LEMD3: variants seen among roughly 807,000 people sequenced by gnomAD.
LEMD3 encodes LEM domain containing 3.
Under a neutral mutation model 95.2 loss-of-function variants are expected in LEMD3, and 33 were observed. The ratio of observed to expected loss-of-function variants is 0.35; its 90% CI spans 0.26 to 0.46. The LOEUF is 0.46. Among genes scored for constraint, LEMD3 ranks in the 20% least tolerant of loss-of-function variants. The probability of loss-of-function intolerance (pLI) is 1.00; values close to 1 mark genes in which losing one functional copy is unlikely to be tolerated. For missense variants in LEMD3, 1,210 were observed against 1,192.8 expected, an observed-to-expected ratio of 1.01 and a Z score of -0.21; for synonymous variants, 525 against 474.6, an observed-to-expected ratio of 1.11 and a Z score of -1.38.
intron 9 of LEMD3, among the ~76,000 whole-genome samples, chr12:65,242,240 AC>A (rs2136356205): frequency 6.6e-6 from 1 of 151,820 alleles, no homozygotes; most frequent in South Asian, 2.1e-4. Flanking sequence ...CCTACCTCAG[AC>A]TTTTTCTTCA....
intron 1 of LEMD3, among the ~76,000 whole-genome samples, chr12:65,173,204 A>G (rs1354420289): frequency 6.6e-6 from 1 of 152,202 alleles, no homozygotes; most frequent in Admixed American, 6.5e-5. Flanking sequence ...ATTATGATTA[A>G]GAAAGTAATT....
chr12:65,243,204 G>C (rs535514756), intron 9 of LEMD3, among the ~76,000 whole-genome samples, 184 bp from the exon 10 acceptor site: 1 of 151,508 alleles, frequency 6.6e-6, no homozygotes, highest in Non-Finnish European at 1.5e-5. Flanking sequence ...TTTATCATCT[G>C]TCTCTCCCAT....
chr12:65,230,499 T>C (rs1456184637), intron 4 of LEMD3, among the ~76,000 whole-genome samples: 1 of 152,122 alleles, frequency 6.6e-6, no homozygotes, highest in South Asian at 2.1e-4. Flanking sequence ...TTGTAGGTAT[T>C]TTATTCATTT....
At chr12:65,220,451 T>G (rs143022109) in intron 4 of LEMD3, among the ~76,000 whole-genome samples, 4 of 152,260 alleles carry the variant, frequency 2.6e-5, no homozygotes, top group Non-Finnish European at 2.9e-5. Context: ...GGGTTTCTTA[T>G]GCATTTTGCA....
At chr12:65,186,771 G>A (rs1335587364) in intron 1 of LEMD3, among the ~76,000 whole-genome samples, 1 of 151,604 alleles carries the variant, frequency 6.6e-6, no homozygotes, top group Non-Finnish European at 1.5e-5. Flanking sequence ...TACAAACACA[G>A]GAGTTAAGTA....
At chr12:65,174,140 A>G (rs1468625473) in intron 1 of LEMD3, among the ~76,000 whole-genome samples, 3 of 152,322 alleles carry the variant, frequency 2.0e-5, no homozygotes, top group South Asian at 4.1e-4. Flanking sequence ...TACATATAAC[A>G]TATAGTAGAT....
intron 1 of LEMD3, among the ~76,000 whole-genome samples, chr12:65,177,397 G>A (rs954336299): frequency 6.6e-6 from 1 of 151,302 alleles, no homozygotes; most frequent in Non-Finnish European, 1.5e-5. Context: ...AGGAGTCAAA[G>A]ATTATTCTGG....
At chr12:65,192,909 C>G (rs907844085) in intron 1 of LEMD3, among the ~76,000 whole-genome samples, 3 of 152,118 alleles carry the variant, frequency 2.0e-5, no homozygotes, top group Non-Finnish European at 4.4e-5. Flanking sequence ...TAACATAAAA[C>G]AAAGCTAGCC....
In LEMD3 at chr12:65,247,070, A is replaced by T. The variant is rs148427854; in HGVS notation, c.*745A>T. 41 of 152,714 alleles carry T rather than the reference A, an allele frequency of 2.7e-4. No homozygotes were observed. Among genetic ancestry groups the T allele is most frequent in the African/African-American group, 9.6e-4 (40 of 41,578 alleles). The allele number at this position is 152,714 out of a possible 1,614,324, so 9.5% of individuals were successfully genotyped here. On this transcript the variant is annotated 3_prime_UTR_variant, in exon 13 of 13. Transcript: ENST00000308330. ...TATATATATACACACACAGAGATAT[A>T]TACATATGGCTGTACTTTTGCATAG...
chr12:65,232,911 C>T (rs996168379), intron 4 of LEMD3, among the ~76,000 whole-genome samples: 4 of 152,034 alleles, frequency 2.6e-5, no homozygotes, highest in Non-Finnish European at 5.9e-5. Context: ...TAGACAGCTG[C>T]AAATGTGTCA....
At chr12:65,210,355 C>T (rs1384115183) in intron 1 of LEMD3, among the ~76,000 whole-genome samples, 1 of 151,962 alleles carries the variant, frequency 6.6e-6, no homozygotes, top group Non-Finnish European at 1.5e-5. Flanking sequence ...AGTTTTAAAG[C>T]ATCTTGTAGA....
intron 1 of LEMD3, among the ~76,000 whole-genome samples, chr12:65,187,243 T>C (rs1025493676): frequency 2.0e-5 from 3 of 152,090 alleles, no homozygotes; most frequent in Non-Finnish European, 4.4e-5. Flanking sequence ...TGGGCTCTTT[T>C]GGTTATAAGG....
intron 1 of LEMD3, among the ~76,000 whole-genome samples, chr12:65,185,382 A>G (rs1869029624): frequency 6.6e-6 from 1 of 152,138 alleles, no homozygotes; most frequent in Non-Finnish European, 1.5e-5. Context: ...AGTAGTTTTC[A>G]ACTGTGGACT....
At chr12:65,181,053 C>A (rs1868888058) in intron 1 of LEMD3, among the ~76,000 whole-genome samples, 1 of 148,808 alleles carries the variant, frequency 6.7e-6, no homozygotes. Flanking sequence ...GCTGTACTTA[C>A]AAAGGATGCT....
chr12:65,231,854 A>G (rs754914704), intron 4 of LEMD3, among the ~76,000 whole-genome samples: 1 of 151,866 alleles, frequency 6.6e-6, no homozygotes, highest in African/African-American at 2.4e-5. Flanking sequence ...ATTTTATACT[A>G]TAAATATTCA....
chr12:65,245,542 C>G (rs1871080046), intron 10 of LEMD3, 127 bp from the exon 11 acceptor site: 1 of 723,470 alleles, frequency 1.4e-6, no homozygotes, highest in South Asian at 1.6e-5. Context: ...TACTTAATAC[C>G]AATTAAAATC....
At chr12:65,199,450 C>T (rs891692225) in intron 1 of LEMD3, among the ~76,000 whole-genome samples, 6 of 152,038 alleles carry the variant, frequency 3.9e-5, no homozygotes, top group African/African-American at 1.4e-4. Flanking sequence ...TATTTTCAGA[C>T]ACATATTTTA....
intron 4 of LEMD3, among the ~76,000 whole-genome samples, chr12:65,235,962 G>A (rs1870760885): frequency 6.6e-6 from 1 of 152,064 alleles, no homozygotes; most frequent in Non-Finnish European, 1.5e-5. Flanking sequence ...ATGGCCTATA[G>A]TTATCTTCAC....
chr12:65,171,673 T>C (rs1439628271), intron 1 of LEMD3: 1 of 165,948 alleles, frequency 6.0e-6, no homozygotes, highest in Non-Finnish European at 1.3e-5. Flanking sequence ...TCTTAATTTA[T>C]TTCCCAGCCC....
Sources: gnomAD v4.1 joint callset for allele counts (sites outside exome capture counted in the v4.1 genomes callset) on GRCh38, gnomAD v4.1.1 for gene constraint, MANE v1.5 for transcripts, NCBI Gene and HGNC (gene_info 2026-07-23, HGNC 2026-07-21) for gene names.